Variants in PEPD observed in about 807,000 individuals in gnomAD.
PEPD encodes the protein peptidase D, also known as xaa-Pro dipeptidase.
A neutral mutation model predicts 60.7 loss-of-function variants in PEPD; 53 were observed. That is an observed-to-expected ratio of 0.87 (90% confidence interval 0.70 to 1.10). The LOEUF (loss-of-function observed/expected upper bound fraction) is 1.10, where lower values mean the gene tolerates loss of function less well. PEPD is among the 50% of genes least tolerant of loss of function. The pLI is 0.00. For synonymous variants in PEPD, 267 were observed against 284.1 expected (o/e 0.94, Z 0.60); for missense variants, 711 against 711.9 (o/e 1.00, Z 0.01).
chr19:33,417,354 G>A (rs1199339648), intron 9 of PEPD, among the ~76,000 whole-genome samples: 2 of 152,198 alleles, frequency 1.3e-5, no homozygotes, highest in African/African-American at 2.4e-5. Flanking sequence ...GCTGGGCAGA[G>A]GGCTTAGGAA....
intron 9 of PEPD, among the ~76,000 whole-genome samples, chr19:33,442,281 C>T (rs1969492589): frequency 6.6e-6 from 1 of 151,896 alleles, no homozygotes; most frequent in Non-Finnish European, 1.5e-5. Flanking sequence ...GTGGGGGGCA[C>T]CTGTAATCCC....
intron 4 of PEPD, among the ~76,000 whole-genome samples, chr19:33,498,893 G>T (rs899795346): frequency 6.6e-6 from 1 of 151,976 alleles, no homozygotes; most frequent in Non-Finnish European, 1.5e-5. Flanking sequence ...TGCCCATCCC[G>T]CCAGGGTCCT....
chr19:33,493,537 C>G (rs906808199), intron 4 of PEPD, 200 bp from the exon 5 acceptor site: 1 of 658,546 alleles, frequency 1.5e-6, no homozygotes, highest in African/African-American at 1.8e-5. Context: ...ACACAGCCAT[C>G]GAGGGGCAGA....
chr19:33,500,460 C>T (rs1027307641), intron 4 of PEPD, among the ~76,000 whole-genome samples: 1 of 152,244 alleles, frequency 6.6e-6, no homozygotes, highest in Non-Finnish European at 1.5e-5. Flanking sequence ...CACACGACAC[C>T]TGCTGGACAA....
chr19:33,430,363 C>T (rs1270551518), intron 9 of PEPD, among the ~76,000 whole-genome samples: 5 of 152,084 alleles, frequency 3.3e-5, no homozygotes, highest in African/African-American at 4.8e-5. Context: ...GTCGAAGTGT[C>T]GTTCACACTG....
intron 1 of PEPD, among the ~76,000 whole-genome samples, chr19:33,515,128 TG>T (rs1178877593): frequency 6.6e-6 from 1 of 152,202 alleles, no homozygotes; most frequent in Non-Finnish European, 1.5e-5. Flanking sequence ...TGCCCTCGCC[TG>T]GTGCCTTGCC....
intron 7 of PEPD, among the ~76,000 whole-genome samples, chr19:33,472,620 G>C (rs897932234): frequency 1.3e-5 from 2 of 152,180 alleles, no homozygotes; most frequent in African/African-American, 4.8e-5. Context: ...TCACAGCACT[G>C]CCTCTGAGCA....
In PEPD at chr19:33,501,007, A is replaced by G. The variant is rs1970700866; in HGVS notation, c.330-6T>C. The stretch of plus-strand genomic sequence containing the variant: ...AGTGCTCCTTGGAATGGATCCTCAA[A>G]GAAAAGCACAAGGAATATCAGGGTC... On this transcript the variant is annotated splice_polypyrimidine_tract_variant and splice_region_variant and intron_variant, in intron 3 of 14. Coordinates refer to ENST00000244137, the MANE Select transcript of PEPD (RefSeq NM_000285.4). The G allele has an allele frequency of 1.3e-6, 2 of 1,572,708 alleles. No individual in the cohort carries two copies. Among genetic ancestry groups the G allele is most frequent in the Non-Finnish European group, 1.8e-6 (2 of 1,142,448 alleles).
At chr19:33,484,500 A>T (rs1460410014) in intron 6 of PEPD, among the ~76,000 whole-genome samples, 2 of 152,170 alleles carry the variant, frequency 1.3e-5, no homozygotes, top group Non-Finnish European at 2.9e-5. Context: ...ACGGACACAT[A>T]CAGCCATGTG....
chr19:33,406,011 G>T (rs1293531970), intron 11 of PEPD, among the ~76,000 whole-genome samples: 1 of 152,236 alleles, frequency 6.6e-6, no homozygotes, highest in African/African-American at 2.4e-5. Context: ...ATGGACAGAG[G>T]CACGGCACCA....
chr19:33,410,323 G>C (rs1968735202), intron 11 of PEPD, among the ~76,000 whole-genome samples: 1 of 152,248 alleles, frequency 6.6e-6, no homozygotes, highest in Non-Finnish European at 1.5e-5. Flanking sequence ...GGGGAGCCCG[G>C]GCAGTCTCAG....
chr19:33,410,028 G>A (rs1968726932), intron 11 of PEPD, among the ~76,000 whole-genome samples: 1 of 152,256 alleles, frequency 6.6e-6, no homozygotes, highest in African/African-American at 2.4e-5. Context: ...TGGCTACGCA[G>A]GGGGGACTGG....
intron 11 of PEPD, among the ~76,000 whole-genome samples, chr19:33,406,476 T>A (rs2145355465): frequency 6.6e-6 from 1 of 152,298 alleles, no homozygotes; most frequent in South Asian, 2.1e-4. Context: ...CAAGAGCATG[T>A]CTTTAAGACC....
intron 4 of PEPD, among the ~76,000 whole-genome samples, chr19:33,500,627 C>T (rs867683769): frequency 5.9e-5 from 9 of 152,358 alleles, no homozygotes; most frequent in Middle Eastern, 3.4e-3. Flanking sequence ...GACCGTGTGC[C>T]ACCGCTGCAG....
chr19:33,517,748 C>T (rs891959957), intron 1 of PEPD, among the ~76,000 whole-genome samples: 5 of 151,374 alleles, frequency 3.3e-5, no homozygotes, highest in Admixed American at 2.6e-4. Context: ...GGGTGGGTCA[C>T]GAGGTCAGGA....
intron 9 of PEPD, among the ~76,000 whole-genome samples, chr19:33,425,651 C>T (rs976522331): frequency 2.6e-5 from 4 of 151,660 alleles, no homozygotes; most frequent in East Asian, 1.9e-4. Flanking sequence ...TCATTCATGA[C>T]GAGGATAAAA....
chr19:33,391,631 G>A (rs1305090907), intron 12 of PEPD, 152 bp from the exon 13 acceptor site: 1 of 740,830 alleles, frequency 1.3e-6, no homozygotes, highest in Non-Finnish European at 2.3e-6. Context: ...CGGGGGCCCA[G>A]GGGGACAAGG....
At chr19:33,488,172 A>G (rs1970432131) in intron 6 of PEPD, among the ~76,000 whole-genome samples, 2 of 152,116 alleles carry the variant, frequency 1.3e-5, no homozygotes, top group African/African-American at 4.8e-5. Flanking sequence ...GGAATTGGTG[A>G]TCCTGGAGCC....
At chr19:33,503,637 A>G (rs1394916017) in intron 3 of PEPD, among the ~76,000 whole-genome samples, 1 of 152,198 alleles carries the variant, frequency 6.6e-6, no homozygotes, top group African/African-American at 2.4e-5. Context: ...AGCAGGTGTC[A>G]GAAATACAAA....
Sources: gnomAD v4.1 joint callset for allele counts (sites outside exome capture counted in the v4.1 genomes callset) on GRCh38, gnomAD v4.1.1 for gene constraint, MANE v1.5 for transcripts, NCBI Gene and HGNC (gene_info 2026-07-23, HGNC 2026-07-21) for gene names.